Variants in BRINP3 observed in about 807,000 individuals in gnomAD.
The protein encoded by BRINP3 is BMP/retinoic acid inducible neural specific 3.
Under a neutral mutation model 71.0 loss-of-function variants are expected in BRINP3, and 19 were observed. That is an observed-to-expected ratio of 0.27 (90% confidence interval 0.19 to 0.39). The LOEUF (loss-of-function observed/expected upper bound fraction) is 0.39, where lower values mean the gene tolerates loss of function less well. Ranked by LOEUF, BRINP3 falls within the 10% of genes least tolerant of loss-of-function variation. The probability of loss-of-function intolerance (pLI) is 1.00; values close to 1 mark genes in which losing one functional copy is unlikely to be tolerated. For synonymous variants in BRINP3, 380 were observed against 337.7 expected, an observed-to-expected ratio of 1.13 and a Z score of -1.37; for missense variants, 959 against 940.8, an observed-to-expected ratio of 1.02 and a Z score of -0.25.
intron 4 of BRINP3, among the ~76,000 whole-genome samples, chr1:190,257,267 C>G (rs1299341679): frequency 3.9e-5 from 6 of 152,136 alleles, no homozygotes; most frequent in African/African-American, 1.4e-4. Context: ...CTTTCTTCCA[C>G]TTGATCAAAT....
intron 2 of BRINP3, among the ~76,000 whole-genome samples, chr1:190,396,112 A>G (rs1671550762): frequency 6.6e-6 from 1 of 152,008 alleles, no homozygotes; most frequent in South Asian, 2.1e-4. Context: ...TTGAAGGCAG[A>G]GAATATTATT....
chr1:190,213,257 C>T (rs978753609), intron 6 of BRINP3, among the ~76,000 whole-genome samples: 1 of 151,992 alleles, frequency 6.6e-6, no homozygotes, highest in African/African-American at 2.4e-5. Flanking sequence ...CACATAGCTC[C>T]AGATGATGGC....
intron 2 of BRINP3, among the ~76,000 whole-genome samples, chr1:190,349,830 T>C (rs1030456924): frequency 6.6e-6 from 1 of 152,160 alleles, no homozygotes; most frequent in African/African-American, 2.4e-5. Context: ...AGGAAGAAAG[T>C]GCTTACCATT....
intron 2 of BRINP3, among the ~76,000 whole-genome samples, chr1:190,448,463 T>TTGTGTG (rs67524700): frequency 8.1e-4 from 101 of 125,160 alleles, no homozygotes; most frequent in Non-Finnish European, 1.2e-3. Flanking sequence ...CACTTGGGGT[T>TTGTGTG]TGTGTGTGTG....
intron 7 of BRINP3, among the ~76,000 whole-genome samples, chr1:190,159,497 T>C (rs2102454005): frequency 6.6e-6 from 1 of 152,144 alleles, no homozygotes; most frequent in South Asian, 2.1e-4. Flanking sequence ...GAATAAACAA[T>C]ATGTGGTATA....
chr1:190,465,724 C>A (rs886571367), intron 1 of BRINP3, among the ~76,000 whole-genome samples: 1 of 151,840 alleles, frequency 6.6e-6, no homozygotes, highest in Non-Finnish European at 1.5e-5. Flanking sequence ...CAGCTGTCTT[C>A]CACTTACCAA....
At chr1:190,205,382 G>A (rs1327016008) in intron 6 of BRINP3, among the ~76,000 whole-genome samples, 1 of 151,946 alleles carries the variant, frequency 6.6e-6, no homozygotes, top group Non-Finnish European at 1.5e-5. Flanking sequence ...TCTCAGATGG[G>A]TAGGAGGCAG....
At chr1:190,424,465 A>C (rs1056978701) in intron 2 of BRINP3, among the ~76,000 whole-genome samples, 1 of 151,638 alleles carries the variant, frequency 6.6e-6, no homozygotes, top group East Asian at 1.9e-4. Context: ...TGGAGAACGA[A>C]CATTGTTAGT....
intron 7 of BRINP3, among the ~76,000 whole-genome samples, chr1:190,140,600 A>T (rs1457938522): frequency 6.6e-6 from 1 of 152,180 alleles, no homozygotes; most frequent in South Asian, 2.1e-4. Flanking sequence ...AGGATAAAAA[A>T]TAAATTAATT....
intron 2 of BRINP3, among the ~76,000 whole-genome samples, chr1:190,421,205 G>A (rs1365804748): frequency 6.6e-6 from 1 of 151,346 alleles, no homozygotes; most frequent in African/African-American, 2.4e-5. Context: ...TAAGACAAAT[G>A]TTTTGTGTAC....
chr1:190,290,196 G>T lies in BRINP3; in HGVS notation c.237-8446C>A, dbSNP rs541156922. 2.0e-5 allele frequency among the ~76,000 whole-genome samples: 3 copies of T among 152,012 alleles called. No homozygotes were observed. In the East Asian group the frequency reaches 5.8e-4, roughly 29 times the overall value. ...AGGGCAAATTAAAAGTTAACTATTT[G>T]CTCTAAACTGAGAAACACTAACCGT... On this transcript the variant is annotated intron_variant, in intron 2 of 7. Transcript: ENST00000367462.
rs112745195 is a variant in BRINP3 at position 190,221,707 on chromosome 1, G to A, written c.961+4375C>T. Among the ~76,000 whole-genome samples the A allele has an allele frequency of 3.2e-3, 489 of 152,184 alleles. 4 individuals carry two copies. The highest frequency in any genetic ancestry group is 0.011 in the African/African-American group (459 of 41,540). On this transcript the variant is annotated intron_variant, in intron 6 of 7. Transcript: ENST00000367462. ...GTAGAAAGATACACATAGACTGAGCGTGAAGGGGTGGAAAAAGATACTCGA... is the reference window on the plus strand; with the variant it reads ...GTAGAAAGATACACATAGACTGAGCATGAAGGGGTGGAAAAAGATACTCGA...
chr1:190,129,460 G>A (rs1654355108), intron 7 of BRINP3, among the ~76,000 whole-genome samples: 1 of 151,712 alleles, frequency 6.6e-6, no homozygotes, highest in African/African-American at 2.4e-5. Flanking sequence ...ACCAGTTCTG[G>A]GGATACTTGT....
intron 6 of BRINP3, among the ~76,000 whole-genome samples, chr1:190,167,668 G>A (rs815334): frequency 0.37 from 55,948 of 151,954 alleles, 10,366 homozygotes; most frequent in Middle Eastern, 0.42. Context: ...ACAAAGAACC[G>A]TGATTGGAGA....
chr1:190,101,371 C>T (rs891494974), intron 7 of BRINP3, among the ~76,000 whole-genome samples: 1 of 152,078 alleles, frequency 6.6e-6, no homozygotes, highest in African/African-American at 2.4e-5. Flanking sequence ...TGTTTTCTCA[C>T]CACAGAATAT....
chr1:190,241,068 G>C (rs1342813120), intron 4 of BRINP3, among the ~76,000 whole-genome samples: 2 of 151,660 alleles, frequency 1.3e-5, no homozygotes, highest in Non-Finnish European at 2.9e-5. Flanking sequence ...ATTATACACA[G>C]TACTGGGCAC....
At chr1:190,410,778 T>C (rs1423884984) in intron 2 of BRINP3, among the ~76,000 whole-genome samples, 1 of 152,072 alleles carries the variant, frequency 6.6e-6, no homozygotes, top group Non-Finnish European at 1.5e-5. Flanking sequence ...GAGAGGACAT[T>C]GAATACAGTA....
At chr1:190,205,128 C>T (rs748086488) in intron 6 of BRINP3, among the ~76,000 whole-genome samples, 3 of 151,972 alleles carry the variant, frequency 2.0e-5, no homozygotes, top group African/African-American at 7.2e-5. Flanking sequence ...AGAGTTTGTT[C>T]TGTCAGTCTT....
chr1:190,160,960 T>C (rs1657304018), intron 6 of BRINP3, 70 bp from the exon 7 acceptor site: 1 of 1,091,100 alleles, frequency 9.2e-7, no homozygotes, highest in African/African-American at 1.6e-5. Flanking sequence ...AACACGTATG[T>C]CAATATTAAG....
Sources: allele counts gnomAD v4.1 joint callset (sites outside exome capture counted in the v4.1 genomes callset), GRCh38; gene constraint gnomAD v4.1.1; transcripts MANE v1.5; gene names NCBI Gene and HGNC (gene_info 2026-07-23, HGNC 2026-07-21).